The following TRPM7 variants were observed in gnomAD, a reference collection of about 807,000 sequenced individuals.
TRPM7 encodes the protein LTRPC ion channel family member 7.
In TRPM7, 134 loss-of-function variants were observed where a neutral mutation model predicts 229.7. That is an observed-to-expected ratio of 0.58 (90% CI 0.51 to 0.67). TRPM7 has a LOEUF of 0.67. Ranked by LOEUF, TRPM7 falls within the 30% of genes least tolerant of loss-of-function variation. The pLI, the probability that TRPM7 is intolerant of heterozygous loss-of-function variation, is 0.00. For missense variants in TRPM7, 1,901 were observed against 2,210.0 expected (o/e 0.86, Z 2.80); for synonymous variants, 699 against 715.2 (o/e 0.98, Z 0.36).
chr15:50,580,885 T>G lies in TRPM7; in HGVS notation c.4581A>C (p.Ser1527=), dbSNP rs1188868673. ...AAAAGCTTACTTACATTTCTCTGTT[T>G]GATGGTCTATCTTGTAACCAATCCT... is the stretch of plus-strand genomic sequence containing the variant. ...LIPDWLQDRP[S]NREMPSEEGT... Residue 1527 remains serine, a synonymous_variant, in exon 30 of 39, where the codon TCA becomes TCC. Transcript: ENST00000646667. 3.2e-6 allele frequency: 5 copies of G among 1,586,416 alleles called. No homozygotes were observed. In the Admixed American group the frequency reaches 9.4e-5, roughly 30 times the overall value.
chr15:50,616,065 G>A (rs2060214025), intron 13 of TRPM7, among the ~76,000 whole-genome samples: 1 of 152,064 alleles, frequency 6.6e-6, no homozygotes, highest in African/African-American at 2.4e-5. Flanking sequence ...GATTGAGAAT[G>A]TCACCTATGA....
At chr15:50,634,302 G>C (rs1479543452) in intron 8 of TRPM7, 80 bp downstream of exon 8, 1 of 1,131,676 alleles carries the variant, frequency 8.8e-7, no homozygotes. Context: ...TCCAGGCTGG[G>C]AGACACAGCA....
At chr15:50,622,200 A>G (rs1251747442) in intron 12 of TRPM7, among the ~76,000 whole-genome samples, 2 of 152,236 alleles carry the variant, frequency 1.3e-5, no homozygotes, top group African/African-American at 4.8e-5. Flanking sequence ...TCATTTTTAC[A>G]TTCTAAAATA....
intron 10 of TRPM7, among the ~76,000 whole-genome samples, chr15:50,630,236 G>T (rs2060691460): frequency 7.3e-6 from 1 of 137,498 alleles, no homozygotes; most frequent in South Asian, 2.4e-4. Flanking sequence ...TATCACTTGT[G>T]ATCTCTTGAT....
intron 7 of TRPM7, 68 bp from the exon 8 acceptor site, chr15:50,634,624 A>G: frequency 8.4e-7 from 1 of 1,185,818 alleles, no homozygotes; most frequent in Non-Finnish European, 1.1e-6. Flanking sequence ...AGAAAAAAAA[A>G]TTAGGCAAAA....
Position 50,628,199 on chromosome 15 carries a change from T to C in TRPM7, c.1255A>G (p.Arg419Gly), listed in dbSNP as rs1307277004. 1 of 1,613,628 alleles carries C rather than the reference T, an allele frequency of 6.2e-7. No homozygotes were observed. Among genetic ancestry groups the C allele is most frequent in the South Asian group, 1.1e-5 (1 of 91,046 alleles). Residue 419 changes from arginine (R) to glycine (G), a missense_variant, in exon 11 of 39, where the codon AGA becomes GGA. Arg to Gly is a moderately radical substitution (Grantham distance 125). This residue lies in a region of TRPM7 where 794 missense variants were observed against 881.9 expected (regional missense o/e 0.90). Transcript: ENST00000646667. Reference sequence around the variant, plus strand: ...ACATGATTTTTGGCAATGTCAACTCTATCCCATGCCAATGTAAGGATAAGC... The same window carrying C: ...ACATGATTTTTGGCAATGTCAACTCCATCCCATGCCAATGTAAGGATAAGC... ...DQLILTLAWD[R>G]VDIAKNHVFV...
intron 4 of TRPM7, among the ~76,000 whole-genome samples, chr15:50,648,391 G>A (rs2061329588): frequency 1.3e-5 from 2 of 152,056 alleles, no homozygotes; most frequent in East Asian, 1.9e-4. Flanking sequence ...ACAATTAAAA[G>A]ACATCTCTTA....
At chr15:50,614,456 A>G (rs1355354238) in intron 13 of TRPM7, among the ~76,000 whole-genome samples, 193 bp from the exon 14 acceptor site, 2 of 152,066 alleles carry the variant, frequency 1.3e-5, no homozygotes, top group Non-Finnish European at 2.9e-5. Context: ...CCTGAGGTCG[A>G]GTTTGAGATC....
chr15:50,597,397 T>C (rs2059660722), intron 22 of TRPM7, among the ~76,000 whole-genome samples: 1 of 152,254 alleles, frequency 6.6e-6, no homozygotes, highest in Non-Finnish European at 1.5e-5. Context: ...TTAAAAAGTA[T>C]ATGCATCAAT....
At chr15:50,568,440 C>CA (rs1213499056) in intron 38 of TRPM7, among the ~76,000 whole-genome samples, 7 of 151,900 alleles carry the variant, frequency 4.6e-5, no homozygotes, top group East Asian at 1.9e-4. Flanking sequence ...GACATATGCT[C>CA]AAAAAAATCA....
rs187058222 is a variant in TRPM7, at chr15:50,610,822, C to T, written c.2280+271G>A. Among the ~76,000 whole-genome samples the T allele has an allele frequency of 9.9e-5, 15 of 152,044 alleles. No homozygotes were observed. In the East Asian group the frequency reaches 2.3e-3, roughly 24 times the overall value. On this transcript the variant is annotated intron_variant, in intron 17 of 38. Coordinates refer to ENST00000646667, the MANE Select transcript of TRPM7 (RefSeq NM_017672.6). ...AACTTTTTTCAAGGCTGCTAGGGGC[C>T]ATAATCTCCAATATTTGCCATTTGT...
At chr15:50,612,464 T>C in intron 16 of TRPM7, 85 bp downstream of exon 16, 2 of 1,154,422 alleles carry the variant, frequency 1.7e-6, no homozygotes, top group African/African-American at 1.5e-5. Context: ...TACATCACCA[T>C]TAAGTACGTG....
intron 1 of TRPM7, among the ~76,000 whole-genome samples, chr15:50,680,833 G>A (rs1198802979): frequency 6.6e-6 from 1 of 152,116 alleles, no homozygotes; most frequent in Non-Finnish European, 1.5e-5. Context: ...TAGTTTGGCA[G>A]GTCAACACCT....
chr15:50,561,892 GA>G, intron 38 of TRPM7, 84 bp from the exon 39 acceptor site: 1 of 1,324,408 alleles, frequency 7.6e-7, no homozygotes, highest in Non-Finnish European at 1.0e-6. Flanking sequence ...GGAGAATTAG[GA>G]ACCTTTTATT....
At chr15:50,610,269 C>T (rs1310706552) in intron 17 of TRPM7, among the ~76,000 whole-genome samples, 1 of 151,864 alleles carries the variant, frequency 6.6e-6, no homozygotes, top group African/African-American at 2.4e-5. Context: ...ACAATTTGTT[C>T]AAAAAATACA....
At chr15:50,621,984 T>A (rs570772582) in intron 12 of TRPM7, among the ~76,000 whole-genome samples, 188 of 151,682 alleles carry the variant, frequency 1.2e-3, no homozygotes, top group Admixed American at 2.2e-3. Context: ...GAGCCAAGAT[T>A]GTGCCACTGC....
At chr15:50,641,489 A>G in intron 5 of TRPM7, among the ~76,000 whole-genome samples, 1 of 152,156 alleles carries the variant, frequency 6.6e-6, no homozygotes, top group Non-Finnish European at 1.5e-5. Flanking sequence ...TTGACCATGT[A>G]ACAAAATAGC....
At chr15:50,596,218 A>C (rs764962472) in intron 23 of TRPM7, 37 bp downstream of exon 23, 62 of 1,356,278 alleles carry the variant, frequency 4.6e-5, no homozygotes, top group Non-Finnish European at 6.0e-5. Flanking sequence ...TTGCATATTA[A>C]ATCATCTTAT....
At position 50,559,537 on chromosome 15, in the gene TRPM7, C is replaced by T. The variant is rs2053233399; in HGVS notation, c.*2141G>A. 1 of 142,192 alleles carries T rather than the reference C, an allele frequency of 7.0e-6. No individual in the cohort carries two copies. Among genetic ancestry groups the T allele is most frequent in the Non-Finnish European group, 1.5e-5 (1 of 66,028 alleles). 8.8% of individuals were successfully genotyped at this position (142,192 alleles called of 1,614,324 possible). ...AAAACAAAACAAAACAAAACAAAAA[C>T]AGTATAGATGAAAGGCAGCCAGCCT... On this transcript the variant is annotated 3_prime_UTR_variant, in exon 39 of 39. Transcript: ENST00000646667.
Sources: gnomAD v4.1 joint callset for allele counts (sites outside exome capture counted in the v4.1 genomes callset) on GRCh38, gnomAD v4.1.1 for gene constraint, gnomAD v4.1.1 regional missense constraint, MANE v1.5 for transcripts, NCBI Gene and HGNC (gene_info 2026-07-23, HGNC 2026-07-21) for gene names.